LRMDA: variants seen among roughly 807,000 people sequenced by gnomAD.
The protein encoded by LRMDA is leucine-rich melanocyte differentiation-associated protein.
LRMDA carries 18 observed loss-of-function variants against 29.8 expected under a neutral mutation model. The observed-to-expected ratio is 0.60, with a 90% CI of 0.42 to 0.90. LRMDA has a LOEUF of 0.90. Ranked by LOEUF, LRMDA falls within the 40% of genes least tolerant of loss-of-function variation. The probability of loss-of-function intolerance (pLI) is 0.00; values close to 1 mark genes in which losing one functional copy is unlikely to be tolerated. For missense variants in LRMDA, 273 were observed against 273.9 expected (o/e 1.00, Z 0.02); for synonymous variants, 125 against 109.4 (o/e 1.14, Z -0.89).
chr10:75,827,869 G>A (rs1844273692), intron 2 of LRMDA, among the ~76,000 whole-genome samples: 1 of 152,178 alleles, frequency 6.6e-6, no homozygotes, highest in Admixed American at 6.5e-5. Context: ...TGGTGTTCCA[G>A]CTGTTGTAAC....
chr10:75,491,375 G>A (rs1181569197), intron 2 of LRMDA, among the ~76,000 whole-genome samples: 4 of 152,202 alleles, frequency 2.6e-5, no homozygotes, highest in Non-Finnish European at 4.4e-5. Flanking sequence ...CCTTTCTGAT[G>A]TCGTATAGAA....
chr10:76,460,740 C>T (rs934518555), intron 6 of LRMDA, among the ~76,000 whole-genome samples: 1 of 152,208 alleles, frequency 6.6e-6, no homozygotes, highest in African/African-American at 2.4e-5. Context: ...CACCAGCACT[C>T]TTCATTTCCC....
intron 5 of LRMDA, among the ~76,000 whole-genome samples, chr10:76,060,764 T>G (rs760132262): frequency 6.6e-6 from 1 of 152,230 alleles, no homozygotes; most frequent in Non-Finnish European, 1.5e-5. Context: ...GACTGGCTCC[T>G]TAAAATCCAG....
intron 5 of LRMDA, among the ~76,000 whole-genome samples, chr10:76,142,401 T>G (rs1220223482): frequency 6.6e-6 from 1 of 152,152 alleles, no homozygotes; most frequent in Admixed American, 6.5e-5. Context: ...ATTTTGTGTG[T>G]AATATGCCAT....
At chr10:76,534,131 A>C (rs748030377) in intron 6 of LRMDA, among the ~76,000 whole-genome samples, 4 of 152,216 alleles carry the variant, frequency 2.6e-5, no homozygotes, top group Non-Finnish European at 5.9e-5. Flanking sequence ...AGTAAAATTA[A>C]CCTTTCCATT....
chr10:76,110,445 C>T (rs1164373058), intron 5 of LRMDA, among the ~76,000 whole-genome samples: 2 of 152,214 alleles, frequency 1.3e-5, no homozygotes, highest in Non-Finnish European at 1.5e-5. Flanking sequence ...AAAATACAGA[C>T]AAATCAGGTC....
At chr10:75,888,701 T>C (rs1356065496) in intron 2 of LRMDA, among the ~76,000 whole-genome samples, 4 of 152,226 alleles carry the variant, frequency 2.6e-5, no homozygotes, top group Non-Finnish European at 5.9e-5. Context: ...CTTAATTACT[T>C]CTGCATGATG....
intron 2 of LRMDA, among the ~76,000 whole-genome samples, chr10:75,824,827 T>G (rs796948335): frequency 1.3e-5 from 2 of 152,306 alleles, no homozygotes; most frequent in East Asian, 3.9e-4. Context: ...TACTGATTCA[T>G]GCATTTCTAA....
chr10:75,532,222 A>G (rs980509819), intron 2 of LRMDA, among the ~76,000 whole-genome samples: 1 of 152,048 alleles, frequency 6.6e-6, no homozygotes, highest in Non-Finnish European at 1.5e-5. Flanking sequence ...TTTGCCTGCT[A>G]GAAGTTTGAC....
chr10:76,121,575 A>C (rs1849790102), intron 5 of LRMDA, among the ~76,000 whole-genome samples: 1 of 152,206 alleles, frequency 6.6e-6, no homozygotes, highest in Admixed American at 6.5e-5. Context: ...GAGGGTTGTC[A>C]TGAAATGAGA....
At chr10:76,235,182 G>T (rs1469939824) in intron 5 of LRMDA, among the ~76,000 whole-genome samples, 1 of 152,028 alleles carries the variant, frequency 6.6e-6, no homozygotes, top group Non-Finnish European at 1.5e-5. Context: ...GGGAAGCCTG[G>T]GGAGAGAGAG....
chr10:75,917,934 C>T (rs1342993933), intron 2 of LRMDA, among the ~76,000 whole-genome samples: 1 of 149,944 alleles, frequency 6.7e-6, no homozygotes, highest in Non-Finnish European at 1.5e-5. Context: ...GGTGCACACA[C>T]ATGCACACCC....
chr10:76,208,252 C>A (rs1449035436), intron 5 of LRMDA, among the ~76,000 whole-genome samples: 3 of 151,882 alleles, frequency 2.0e-5, no homozygotes, highest in African/African-American at 4.8e-5. Context: ...AAAAAGGAAG[C>A]CAACAAATTA....
intron 2 of LRMDA, among the ~76,000 whole-genome samples, chr10:75,676,009 A>T (rs1841955739): frequency 6.6e-6 from 1 of 152,172 alleles, no homozygotes; most frequent in Non-Finnish European, 1.5e-5. Context: ...CTGGGTGTTC[A>T]GTGATATAAG....
intron 2 of LRMDA, among the ~76,000 whole-genome samples, chr10:75,492,658 A>G (rs1189030326): frequency 6.6e-6 from 1 of 152,208 alleles, no homozygotes; most frequent in Admixed American, 6.5e-5. Flanking sequence ...TTAAGTTTTG[A>G]AGATTTATTG....
At chr10:75,618,609 G>C (rs1841140559) in intron 2 of LRMDA, among the ~76,000 whole-genome samples, 1 of 148,868 alleles carries the variant, frequency 6.7e-6, no homozygotes, top group South Asian at 2.1e-4. Flanking sequence ...CATAAACTTT[G>C]ACTCAAAACC....
At chr10:75,747,846 G>A (rs186525202) in intron 2 of LRMDA, among the ~76,000 whole-genome samples, 191 of 152,172 alleles carry the variant, frequency 1.3e-3, no homozygotes, top group Non-Finnish European at 2.3e-3. Flanking sequence ...ACACTAGATT[G>A]CTATTAGGAT....
At chr10:75,744,718 A>G (rs1842870225) in intron 2 of LRMDA, among the ~76,000 whole-genome samples, 2 of 152,160 alleles carry the variant, frequency 1.3e-5, no homozygotes, top group Non-Finnish European at 2.9e-5. Context: ...TCTTTCTGTT[A>G]TGCTAGATGT....
In LRMDA at chr10:76,260,556, A is replaced by G. The variant is rs1839922799; in HGVS notation, c.517-63845A>G. Among the ~76,000 whole-genome samples the G allele has an allele frequency of 2.6e-5, 4 of 152,178 alleles. No individual in the cohort carries two copies. In the South Asian group the frequency reaches 8.3e-4, roughly 32 times the overall value. Reference sequence around the variant, plus strand: ...GGTTTCTGCGGAGAAACCCATTATTAATGTAATGAGAGTTCCCTTATATGT... The same window carrying G: ...GGTTTCTGCGGAGAAACCCATTATTGATGTAATGAGAGTTCCCTTATATGT... On this transcript the variant is annotated intron_variant, in intron 5 of 6. Coordinates refer to ENST00000611255, the MANE Select transcript of LRMDA (RefSeq NM_001305581.2).
Sources: allele counts gnomAD v4.1 joint callset (sites outside exome capture counted in the v4.1 genomes callset), GRCh38; gene constraint gnomAD v4.1.1; transcripts MANE v1.5; gene names NCBI Gene and HGNC (gene_info 2026-07-23, HGNC 2026-07-21).